The following MARCHF8 variants were observed in gnomAD, a reference collection of about 807,000 sequenced individuals.
The protein encoded by MARCHF8 is E3 ubiquitin-protein ligase MARCHF8.
A neutral mutation model predicts 51.6 loss-of-function variants in MARCHF8; 40 were observed. The ratio of observed to expected loss-of-function variants is 0.77; its 90% CI spans 0.60 to 1.01. The LOEUF (loss-of-function observed/expected upper bound fraction) is 1.01. MARCHF8 is among the 50% of genes least tolerant of loss of function. MARCHF8 has a pLI of 0.00. For missense variants in MARCHF8, 685 were observed against 708.6 expected (o/e 0.97, Z 0.38); for synonymous variants, 263 against 280.3 (o/e 0.94, Z 0.62).
chr10:45,573,880 C>A (rs1238427876), intron 1 of MARCHF8, among the ~76,000 whole-genome samples: 1 of 152,162 alleles, frequency 6.6e-6, no homozygotes, highest in African/African-American at 2.4e-5. Flanking sequence ...ACCTCTTACA[C>A]TCCCCAACTC....
chr10:45,512,525 C>T (rs1379997033), intron 2 of MARCHF8, among the ~76,000 whole-genome samples: 8 of 146,232 alleles, frequency 5.5e-5, no homozygotes, highest in South Asian at 2.2e-4. Context: ...AGGTGAGGGG[C>T]GCCTCTGCCC....
At chr10:45,524,694 A>T (rs1308251987) in intron 2 of MARCHF8, among the ~76,000 whole-genome samples, 1 of 152,226 alleles carries the variant, frequency 6.6e-6, no homozygotes, top group Non-Finnish European at 1.5e-5. Context: ...ATTATAAGGG[A>T]TTTTTATCCT....
chr10:45,572,014 A>T (rs1328333512), intron 1 of MARCHF8, among the ~76,000 whole-genome samples: 1 of 152,090 alleles, frequency 6.6e-6, no homozygotes, highest in Non-Finnish European at 1.5e-5. Flanking sequence ...TTTGTCATTC[A>T]CCCACATTCC....
chr10:45,575,325 C>T (rs2044477507), intron 1 of MARCHF8, among the ~76,000 whole-genome samples: 1 of 152,180 alleles, frequency 6.6e-6, no homozygotes, highest in Admixed American at 6.5e-5. Context: ...AATCTCTTCC[C>T]ACACAAGGCA....
intron 1 of MARCHF8, among the ~76,000 whole-genome samples, chr10:45,573,587 C>T (rs1170288087): frequency 2.0e-5 from 3 of 152,280 alleles, no homozygotes; most frequent in South Asian, 2.1e-4. Context: ...AAATCCAACT[C>T]GCCCAGCAGC....
intron 1 of MARCHF8, among the ~76,000 whole-genome samples, chr10:45,576,974 GAAAAAAA>G (rs58593536): frequency 1.7e-5 from 2 of 120,416 alleles, no homozygotes; most frequent in East Asian, 2.9e-4. Flanking sequence ...AAAGAGAAAA[GAAAAAAA>G]AAAAAAAAAG....
intron 3 of MARCHF8, among the ~76,000 whole-genome samples, chr10:45,471,833 C>T (rs1454676342): frequency 2.0e-5 from 3 of 152,202 alleles, no homozygotes; most frequent in African/African-American, 7.2e-5. Context: ...CCAGGCACAC[C>T]TCCAGTGTGG....
intron 2 of MARCHF8, among the ~76,000 whole-genome samples, chr10:45,521,482 G>A (rs1482796859): frequency 1.3e-5 from 2 of 152,236 alleles, no homozygotes; most frequent in Non-Finnish European, 2.9e-5. Context: ...AGGCTCAAGT[G>A]TATGTGGAAG....
Position 45,486,671 on chromosome 10 carries a change from GTCACCAGGAT to G in MARCHF8, c.153+2686_153+2695del, listed in dbSNP as rs537219107. Among the ~76,000 whole-genome samples, 4 of 152,242 alleles carry G rather than the reference GTCACCAGGAT, an allele frequency of 2.6e-5. No homozygotes were observed. In the East Asian group the frequency reaches 7.7e-4, roughly 29 times the overall value. On this transcript the variant is annotated intron_variant, in intron 3 of 7. Coordinates refer to ENST00000453424, the MANE Select transcript of MARCHF8 (RefSeq NM_001282866.2). ...ACTGTCCTGGCCCAATCAACCTAAGGTCACCAGGATTCAACGAACTTTGACAAGAGTCAGG... is the reference window on the plus strand; with the variant it reads ...ACTGTCCTGGCCCAATCAACCTAAGGTCAACGAACTTTGACAAGAGTCAGG...
chr10:45,465,207 C>T (rs560989029), intron 3 of MARCHF8, among the ~76,000 whole-genome samples: 1 of 152,254 alleles, frequency 6.6e-6, no homozygotes, highest in Admixed American at 6.5e-5. Context: ...GGCTCCACAG[C>T]CCCACAGACC....
intron 1 of MARCHF8, among the ~76,000 whole-genome samples, chr10:45,590,990 G>A (rs1287505075): frequency 2.6e-5 from 4 of 152,164 alleles, no homozygotes; most frequent in Non-Finnish European, 2.9e-5. Flanking sequence ...ACTGATAAAC[G>A]TACTTTGTAA....
At chr10:45,578,064 A>T (rs938476329) in intron 1 of MARCHF8, among the ~76,000 whole-genome samples, 8 of 152,234 alleles carry the variant, frequency 5.3e-5, no homozygotes, top group Non-Finnish European at 1.2e-4. Flanking sequence ...GGATATACAT[A>T]TATCTATTTA....
intron 3 of MARCHF8, among the ~76,000 whole-genome samples, chr10:45,474,910 T>C (rs1478712499): frequency 6.6e-6 from 1 of 152,108 alleles, no homozygotes; most frequent in Non-Finnish European, 1.5e-5. Context: ...GCCTTGAGGC[T>C]AACAGAGGGA....
intron 1 of MARCHF8, among the ~76,000 whole-genome samples, chr10:45,544,846 C>T (rs769118756): frequency 6.6e-6 from 1 of 152,104 alleles, no homozygotes; most frequent in Admixed American, 6.5e-5. Context: ...GCCTAAATTA[C>T]ACCTCAAGAT....
chr10:45,560,192 ATGT>A (rs2044293817), intron 1 of MARCHF8, among the ~76,000 whole-genome samples: 1 of 152,116 alleles, frequency 6.6e-6, no homozygotes, highest in African/African-American at 2.4e-5. Flanking sequence ...AGAAAAGATA[ATGT>A]TGTAGATGAG....
At chr10:45,459,647 A>C (rs1842724545) in intron 6 of MARCHF8, 5 of 932,674 alleles carry the variant, frequency 5.4e-6, no homozygotes. Flanking sequence ...GCTGACTGGC[A>C]TGGACGAGCG....
In MARCHF8 at chr10:45,581,032, T is replaced by C. The variant is rs2044549768; in HGVS notation, c.-79+13203A>G. On this transcript the variant is annotated intron_variant, in intron 1 of 6. Transcript: ENST00000319836. ...GGTAAGAGGAGGCTGTGAGCAAGGC[T>C]GGGAACACGGAGAAACCAGACAAGA... 1.3e-5 allele frequency among the ~76,000 whole-genome samples: 2 copies of C among 152,090 alleles called. 1 individual carries two copies. Among genetic ancestry groups the C allele is most frequent in the Non-Finnish European group, 2.9e-5 (2 of 68,016 alleles).
At chr10:45,534,741 C>T (rs890802071) in intron 1 of MARCHF8, among the ~76,000 whole-genome samples, 1 of 152,080 alleles carries the variant, frequency 6.6e-6, no homozygotes, top group Non-Finnish European at 1.5e-5. Context: ...GGGTAAACAA[C>T]AGGGCCTGAC....
chr10:45,541,272 G>C (rs1201487277), intron 1 of MARCHF8, among the ~76,000 whole-genome samples: 1 of 152,168 alleles, frequency 6.6e-6, no homozygotes, highest in Non-Finnish European at 1.5e-5. Flanking sequence ...CCTTTGTAGG[G>C]ACATGGATGA....
Sources: allele counts gnomAD v4.1 joint callset (sites outside exome capture counted in the v4.1 genomes callset), GRCh38; gene constraint gnomAD v4.1.1; transcripts MANE v1.5; gene names NCBI Gene and HGNC (gene_info 2026-07-23, HGNC 2026-07-21).